The following ATP11A variants were observed in gnomAD, a reference collection of about 807,000 sequenced individuals.
ATP11A encodes ATPase phospholipid transporting 11A, also known as phospholipid-transporting ATPase IH.
ATP11A carries 81 observed loss-of-function variants against 154.4 expected under a neutral mutation model. That is an observed-to-expected ratio of 0.52 (90% CI 0.44 to 0.63). ATP11A has a LOEUF of 0.63. Among genes scored for constraint, ATP11A ranks in the 30% least tolerant of loss-of-function variants. The pLI, the probability that ATP11A is intolerant of heterozygous loss-of-function variation, is 0.00. For missense variants in ATP11A, 1,316 were observed against 1,474.3 expected (o/e 0.89, Z 1.76); for synonymous variants, 623 against 585.9 (o/e 1.06, Z -0.91).
chr13:112,749,410 C>G (rs1353683734), intron 1 of ATP11A, among the ~76,000 whole-genome samples: 1 of 152,260 alleles, frequency 6.6e-6, no homozygotes, highest in Non-Finnish European at 1.5e-5. Flanking sequence ...CCTGAATTAA[C>G]TACATTCTCA....
intron 25 of ATP11A, among the ~76,000 whole-genome samples, chr13:112,870,620 G>T (rs1006144380): frequency 2.6e-5 from 4 of 152,220 alleles, no homozygotes; most frequent in African/African-American, 9.6e-5. Context: ...CTCATGATCC[G>T]CCCACCTCGG....
In ATP11A at chr13:112,884,729, C is replaced by T. The variant is rs1323397893; in HGVS notation, c.*2863C>T. On this transcript the variant is annotated 3_prime_UTR_variant, in exon 30 of 30. Transcript: ENST00000375645. ...TAATTCAGCATGTTGGTCAGAGACACGGTCACTGATTCACACCCAGTCCCT... is the reference window on the plus strand; with the variant it reads ...TAATTCAGCATGTTGGTCAGAGACATGGTCACTGATTCACACCCAGTCCCT... The T allele has an allele frequency of 2.0e-5, 3 of 152,418 alleles. No individual in the cohort carries two copies. Among genetic ancestry groups the T allele is most frequent in the South Asian group, 2.0e-4 (1 of 4,896 alleles). 9.4% of individuals were successfully genotyped at this position (152,418 alleles called of 1,614,324 possible).
rs527805700 is a variant in ATP11A, at chr13:112,768,146, G to A, written c.40-16989G>A. On this transcript the variant is annotated intron_variant, in intron 1 of 29. Transcript: ENST00000375645. ...GCCTTCCTCCGACTTCCTCATAGCCGTTCTTTTATTCCGGCCTCCCAAGAT... is the reference window on the plus strand; with the variant it reads ...GCCTTCCTCCGACTTCCTCATAGCCATTCTTTTATTCCGGCCTCCCAAGAT... Among the ~76,000 whole-genome samples the A allele has an allele frequency of 1.3e-4, 20 of 152,326 alleles. No individual in the cohort carries two copies. The South Asian group carries it at 3.3e-3, about 25-fold the overall frequency.
At chr13:112,853,094 C>T (rs1355831962) in intron 18 of ATP11A, among the ~76,000 whole-genome samples, 2 of 151,992 alleles carry the variant, frequency 1.3e-5, no homozygotes, top group Admixed American at 6.6e-5. Flanking sequence ...GTAGCAGGCA[C>T]CTGTTGTCCT....
chr13:112,710,946 C>T (rs1388860194), intron 1 of ATP11A, among the ~76,000 whole-genome samples: 4 of 149,186 alleles, frequency 2.7e-5, no homozygotes, highest in South Asian at 2.1e-4. Context: ...AGGGCAGGGC[C>T]CCTGCCAACC....
In ATP11A at chr13:112,690,287, T is replaced by A; in HGVS notation, c.-130T>A. ...GCGCGGAGGGGCCGCGGCCGCCCCC[T>A]GCACCGCCCGGCGCGCCGAGGCCGT... On this transcript the variant is annotated 5_prime_UTR_variant, in exon 1 of 30. Transcript: ENST00000375645. This position sits in a 1 kb window ranked among gnomAD's most constrained non-coding sequence, Gnocchi z 5.6. 1.8e-6 allele frequency: 1 copy of A among 564,062 alleles called. No individual in the cohort carries two copies. The allele number at this position is 564,062 out of a possible 1,614,324, so 34.9% of individuals were successfully genotyped here. A position where few individuals can be genotyped will look rare whatever the true frequency, so the allele number is the denominator to read the frequency against.
intron 1 of ATP11A, among the ~76,000 whole-genome samples, chr13:112,726,896 G>A (rs1566389348): frequency 6.6e-6 from 1 of 152,154 alleles, no homozygotes; most frequent in Non-Finnish European, 1.5e-5. Context: ...TCTTCCTTGG[G>A]ACATGGATAA....
intron 5 of ATP11A, among the ~76,000 whole-genome samples, chr13:112,813,106 C>G (rs1264595463): frequency 6.6e-6 from 1 of 152,234 alleles, no homozygotes; most frequent in African/African-American, 2.4e-5. Context: ...AAGAAAAGAT[C>G]AGGCTTTTCC....
At chr13:112,719,524 A>G (rs1000788478) in intron 1 of ATP11A, among the ~76,000 whole-genome samples, 3 of 152,242 alleles carry the variant, frequency 2.0e-5, no homozygotes, top group Non-Finnish European at 4.4e-5. Flanking sequence ...TTGGATTTTA[A>G]TTACAATTCC....
Position 112,824,378 on chromosome 13 carries a change from G to A in ATP11A, c.825G>A (p.Met275Ile). 6.2e-7 allele frequency: 1 copy of A among 1,614,166 alleles called. No individual in the cohort carries two copies. Among genetic ancestry groups the A allele is most frequent in the Non-Finnish European group, 8.5e-7 (1 of 1,180,012 alleles). Residue 275 changes from methionine (M) to isoleucine (I), a missense_variant, in exon 10 of 30, where the codon ATG becomes ATA. By Grantham distance (10) the Met-to-Ile change is conservative (BLOSUM62 1). This residue lies in a region of ATP11A where 876 missense variants were observed against 1,006.8 expected (regional missense o/e 0.87). Transcript: ENST00000375645. The part of the protein sequence containing the change: ...VAIYTGMETK[M>I]ALNYQSKSQK... ...TTTACACGGGAATGGAAACCAAGAT[G>A]GCATTAAATTATCAATCAAAATCTC...
Position 112,837,946 on chromosome 13 carries a change from G to T in ATP11A, c.1705+1695G>T, listed in dbSNP as rs538195641. Among the ~76,000 whole-genome samples the T allele has an allele frequency of 2.4e-4, 36 of 152,090 alleles. 1 individual carries two copies. The South Asian group carries it at 7.3e-3, about 31-fold the overall frequency. Reference sequence around the variant, plus strand: ...GCCATGGCTGCTCTGGGGGGCTGCCGCCTGCCTTCGCTGGTTCCTTAGACA... The same window carrying T: ...GCCATGGCTGCTCTGGGGGGCTGCCTCCTGCCTTCGCTGGTTCCTTAGACA... On this transcript the variant is annotated intron_variant, in intron 16 of 29. Coordinates refer to ENST00000375645, the MANE Select transcript of ATP11A (RefSeq NM_015205.3).
intron 1 of ATP11A, among the ~76,000 whole-genome samples, chr13:112,768,141 T>C (rs1184675008): frequency 5.3e-5 from 8 of 152,256 alleles, no homozygotes; most frequent in Non-Finnish European, 4.4e-5. Flanking sequence ...GACTTCCTCA[T>C]AGCCGTTCTT....
At chr13:112,814,483 T>C (rs1438575037) in intron 5 of ATP11A, among the ~76,000 whole-genome samples, 2 of 152,200 alleles carry the variant, frequency 1.3e-5, no homozygotes, top group East Asian at 3.8e-4. Context: ...TAGTTTCATG[T>C]TTTACATTTA....
intron 1 of ATP11A, among the ~76,000 whole-genome samples, chr13:112,716,612 C>T (rs184188368): frequency 8.1e-4 from 124 of 152,236 alleles, no homozygotes; most frequent in African/African-American, 2.6e-3. Flanking sequence ...GAGCCTGGCT[C>T]GGGGCTGGGT....
chr13:112,838,264 C>G lies in ATP11A; in HGVS notation c.1705+2013C>G, dbSNP rs1183875249. Among the ~76,000 whole-genome samples, 2 of 152,184 alleles carry G rather than the reference C, an allele frequency of 1.3e-5. No individual in the cohort carries two copies. The highest frequency in any genetic ancestry group is 3.9e-4 in the East Asian group (2 of 5,188). On this transcript the variant is annotated intron_variant, in intron 16 of 29. Transcript: ENST00000375645. The surrounding 1 kb of genome is among the most constrained non-coding windows in gnomAD (Gnocchi z 7.3). ...GCCACTCGGAGTTATCTGGGATAAACGCATCCTGGGTGGGAAGTTCCTGGT... is the reference window on the plus strand; with the variant it reads ...GCCACTCGGAGTTATCTGGGATAAAGGCATCCTGGGTGGGAAGTTCCTGGT...
intron 1 of ATP11A, among the ~76,000 whole-genome samples, chr13:112,691,676 C>T (rs941995434): frequency 4.6e-5 from 7 of 152,188 alleles, no homozygotes; most frequent in South Asian, 2.1e-4. Flanking sequence ...TTTGTTCTTT[C>T]CCGGCATAGG....
intron 11 of ATP11A, among the ~76,000 whole-genome samples, chr13:112,826,380 TA>T (rs1566537014): frequency 6.6e-6 from 1 of 152,198 alleles, no homozygotes; most frequent in Non-Finnish European, 1.5e-5. Context: ...TATGCAGAAG[TA>T]AAATTGCCGC....
chr13:112,765,660 A>C (rs1197433518), intron 1 of ATP11A, among the ~76,000 whole-genome samples: 1 of 152,256 alleles, frequency 6.6e-6, no homozygotes, highest in Non-Finnish European at 1.5e-5. Flanking sequence ...CCTAAGAACC[A>C]TTCGATCTGA....
rs577196127 is a variant in ATP11A at position 112,838,940 on chromosome 13, C to T, written c.1705+2689C>T. On this transcript the variant is annotated intron_variant, in intron 16 of 29. Transcript: ENST00000375645. This position sits in a 1 kb window ranked among gnomAD's most constrained non-coding sequence, Gnocchi z 7.3. ...GAGACCCTGCAGCCAGCTCACAGCT[C>T]GTGTTTCCTCCTGGGCTCAGCCCTG... 2.6e-5 allele frequency among the ~76,000 whole-genome samples: 4 copies of T among 152,336 alleles called. No individual in the cohort carries two copies. The South Asian group carries it at 6.2e-4, about 24-fold the overall frequency.
Sources: gnomAD v4.1 joint callset for allele counts (sites outside exome capture counted in the v4.1 genomes callset) on GRCh38, gnomAD v4.1.1 for gene constraint, gnomAD v4.1.1 regional missense constraint, Gnocchi (gnomAD v3.1) non-coding constraint, MANE v1.5 for transcripts, NCBI Gene and HGNC (gene_info 2026-07-23, HGNC 2026-07-21) for gene names.